The following SFXN3 variants were observed in gnomAD, a reference collection of about 807,000 sequenced individuals.
The protein encoded by SFXN3 is sideroflexin-3.
SFXN3 carries 31 observed loss-of-function variants against 40.4 expected under a neutral mutation model. The observed-to-expected ratio is 0.77, with a 90% CI of 0.58 to 1.04. The LOEUF (loss-of-function observed/expected upper bound fraction) is 1.04, where lower values mean the gene tolerates loss of function less well. SFXN3 is among the 50% of genes least tolerant of loss of function. The probability of loss-of-function intolerance (pLI) is 0.00; values close to 1 mark genes in which losing one functional copy is unlikely to be tolerated. For synonymous variants in SFXN3, 157 were observed against 160.0 expected (o/e 0.98, Z 0.14); for missense variants, 366 against 408.2 (o/e 0.90, Z 0.89).
chr10:101,034,971 A>C, intron 3 of SFXN3, 116 bp downstream of exon 3: 1 of 1,318,968 alleles, frequency 7.6e-7, no homozygotes, highest in Non-Finnish European at 1.0e-6. Context: ...CAATCCCCTC[A>C]CTCTCTAGCC....
rs145856296 is a variant in SFXN3 at position 101,039,178 on chromosome 10, G to A, written c.825G>A (p.Leu275=). The A allele has an allele frequency of 2.5e-6, 4 of 1,610,452 alleles. No individual in the cohort carries two copies. The highest frequency in any genetic ancestry group is 3.4e-5 in the Admixed American group (2 of 59,692). ...TTCCAACACTTGTCTCCCCCAGCCT[G>A]GTATTTGCAACCCCCCTGTGCTGTG... Residue 275 remains leucine, a synonymous_variant, in exon 11 of 12, where the codon CTG becomes CTA. Coordinates refer to ENST00000393459, the Ensembl canonical transcript of SFXN3. The surrounding 1 kb of genome is among the most constrained non-coding windows in gnomAD (Gnocchi z 4.6).
At chr10:101,035,435 G>A (rs1390979880) in intron 3 of SFXN3, 62 bp from the exon 4 acceptor site, 1 of 1,530,592 alleles carries the variant, frequency 6.5e-7, no homozygotes, top group African/African-American at 1.4e-5. Context: ...TGGGCAGGTG[G>A]GGCCTGTGAG....
chr10:101,032,702 G>T (rs987446357), intron 2 of SFXN3, among the ~76,000 whole-genome samples: 2 of 152,200 alleles, frequency 1.3e-5, no homozygotes, highest in African/African-American at 4.8e-5. Context: ...CGCCTGTAAA[G>T]GTGTTTGAAG....
At chr10:101,034,921 T>C in intron 3 of SFXN3, 66 bp downstream of exon 3, 1 of 1,558,856 alleles carries the variant, frequency 6.4e-7, no homozygotes, top group South Asian at 1.2e-5. Context: ...ATAATATGTT[T>C]TGTACCTGCC....
chr10:101,035,427 G>T, intron 3 of SFXN3, 70 bp from the exon 4 acceptor site: 1 of 1,517,532 alleles, frequency 6.6e-7, no homozygotes, highest in Non-Finnish European at 8.8e-7. Context: ...CCCTGAGCTG[G>T]GCAGGTGGGG....
At chr10:101,035,704 A>G (rs1938563699) in intron 4 of SFXN3, 37 bp downstream of exon 4, 1 of 1,578,184 alleles carries the variant, frequency 6.3e-7, no homozygotes, top group Non-Finnish European at 8.6e-7. Context: ...TCAGTGCCCT[A>G]AGCTAGAGCA....
At chr10:101,035,887 G>C (rs1938573628) in intron 4 of SFXN3, 116 bp from the exon 5 acceptor site, 4 of 1,167,014 alleles carry the variant, frequency 3.4e-6, no homozygotes, top group Non-Finnish European at 5.1e-6. Context: ...ACAGGTTCTA[G>C]GGCCATTAAC....
In SFXN3 at chr10:101,039,373, T is replaced by C; in HGVS notation, c.870-116T>C. The C allele has an allele frequency of 8.2e-7, 1 of 1,216,546 alleles. No individual in the cohort carries two copies. The highest frequency in any genetic ancestry group is 1.3e-5 in the South Asian group (1 of 79,814). 75.4% of individuals were successfully genotyped at this position (1,216,546 alleles called of 1,614,324 possible). ...TGGGGGAATGACAGTGAGCCAGTCC[T>C]TCTGGCAGTAGAAGGAGAGGATTTT... On this transcript the variant is annotated intron_variant, in intron 11 of 11. Transcript: ENST00000393459. This position sits in a 1 kb window ranked among gnomAD's most constrained non-coding sequence, Gnocchi z 4.6.
At chr10:101,034,837 A>T (rs759376204) in exon 3 of SFXN3, 25 of 1,614,054 alleles carry the variant, frequency 1.5e-5, no homozygotes, top group Non-Finnish European at 2.0e-5. Flanking sequence ...GCTTCTCGGA[A>T]CATCGTGCAG....
At chr10:101,034,627 A>C in intron 2 of SFXN3, 65 bp from the exon 3 acceptor site, 1 of 1,569,156 alleles carries the variant, frequency 6.4e-7, no homozygotes, top group South Asian at 1.2e-5. Context: ...GGCACCAAAG[A>C]TTTCCCCTAG....
rs767401853 is a variant in SFXN3 at position 101,036,141 on chromosome 10, T to A, written c.431+40T>A. 6.6e-7 allele frequency: 1 copy of A among 1,521,602 alleles called. No homozygotes were observed. Among genetic ancestry groups the A allele is most frequent in the Admixed American group, 1.7e-5 (1 of 59,846 alleles). 94.3% of individuals were successfully genotyped at this position (1,521,602 alleles called of 1,614,324 possible). A position where few individuals can be genotyped will look rare whatever the true frequency, so the allele number is the denominator to read the frequency against. ...CCAGCAGCAGCTGCACTGTCCCATC[T>A]GACCCTCTCCTCCCAGCCTGCAGTG... On this transcript the variant is annotated intron_variant, in intron 5 of 11. Coordinates refer to ENST00000393459, the Ensembl canonical transcript of SFXN3. The surrounding 1 kb of genome is among the most constrained non-coding windows in gnomAD (Gnocchi z 4.2).
intron 9 of SFXN3, 182 bp downstream of exon 9, chr10:101,037,613 T>C (rs2134209418): frequency 2.7e-6 from 4 of 1,479,454 alleles, no homozygotes; most frequent in Non-Finnish European, 3.6e-6. Context: ...GTGAAGGAAC[T>C]CTGCAGGGGC....
At chr10:101,034,462 A>G (rs1048043970) in intron 2 of SFXN3, among the ~76,000 whole-genome samples, 1 of 152,196 alleles carries the variant, frequency 6.6e-6, no homozygotes, top group African/African-American at 2.4e-5. Context: ...CAGCAAAGCA[A>G]TTGTTTAAAG....
At chr10:101,038,555 C>T (rs549457475) in intron 9 of SFXN3, 88 bp from the exon 10 acceptor site, 1 of 1,610,510 alleles carries the variant, frequency 6.2e-7, no homozygotes, top group East Asian at 2.2e-5. Context: ...CAAGGCAAGG[C>T]TGATGGGATA....
intron 1 of SFXN3, 79 bp from the exon 2 acceptor site, chr10:101,032,235 G>T (rs374817357): frequency 4.1e-6 from 2 of 489,492 alleles, no homozygotes; most frequent in African/African-American, 2.0e-5. Flanking sequence ...GGTGGGATTG[G>T]CTCTGGGAAG....
chr10:101,036,754 C>A lies in SFXN3; in HGVS notation c.539C>A (p.Pro180His). The A allele has an allele frequency of 6.2e-7, 1 of 1,613,694 alleles. No homozygotes were observed. The highest frequency in any genetic ancestry group is 1.1e-5 in the South Asian group (1 of 91,070). ...CCCCCCTTGGTCGGCAGATTTGTGC[C>A]CTTTGCAGCAGTGGCAGCTGCCAAC... Residue 180 changes from proline (P) to histidine (H), a missense_variant, in exon 7 of 12, where the codon CCC (proline) becomes CAC (histidine). By Grantham distance (77) the Pro-to-His change is moderately conservative. Transcript: ENST00000393459. This position sits in a 1 kb window ranked among gnomAD's most constrained non-coding sequence, Gnocchi z 4.2.
At chr10:101,038,790 T>A in intron 10 of SFXN3, 98 bp downstream of exon 10, 1 of 1,558,814 alleles carries the variant, frequency 6.4e-7, no homozygotes, top group African/African-American at 1.3e-5. Context: ...ATAGACATCA[T>A]CCATTCATAC....
chr10:101,037,057 CA>C lies in SFXN3; in HGVS notation c.594-17del, dbSNP rs759805991. The C allele has an allele frequency of 6.8e-6, 11 of 1,613,124 alleles. No individual in the cohort carries two copies. The South Asian group carries it at 1.2e-4, about 18-fold the overall frequency. On this transcript the variant is annotated intron_variant, in intron 7 of 11. Transcript: ENST00000393459. ...GGATCCGGGGCCTGTGATCTGACCC[CA>C]ACCCCCCTCCCTTGCAGAGAGCTGC...
In SFXN3 at chr10:101,039,370, T is replaced by A; in HGVS notation, c.870-119T>A. 1 of 1,208,218 alleles carries A rather than the reference T, an allele frequency of 8.3e-7. No homozygotes were observed. Among genetic ancestry groups the A allele is most frequent in the Non-Finnish European group, 1.2e-6 (1 of 818,344 alleles). The allele number at this position is 1,208,218 out of a possible 1,614,324, so 74.8% of individuals were successfully genotyped here. Reference sequence around the variant, plus strand: ...GAGTGGGGGAATGACAGTGAGCCAGTCCTTCTGGCAGTAGAAGGAGAGGAT... The same window carrying A: ...GAGTGGGGGAATGACAGTGAGCCAGACCTTCTGGCAGTAGAAGGAGAGGAT... On this transcript the variant is annotated intron_variant, in intron 11 of 11. Transcript: ENST00000393459. This position sits in a 1 kb window ranked among gnomAD's most constrained non-coding sequence, Gnocchi z 4.6.
Sources: allele counts gnomAD v4.1 joint callset (sites outside exome capture counted in the v4.1 genomes callset), GRCh38; gene constraint gnomAD v4.1.1; non-coding constraint Gnocchi (gnomAD v3.1); transcripts MANE v1.5; gene names NCBI Gene and HGNC (gene_info 2026-07-23, HGNC 2026-07-21).